Variants in NHSL2 observed in about 807,000 individuals in gnomAD.
The protein encoded by NHSL2 is NHS like 2, also known as NHS-like protein 2.
NHSL2 carries 27 observed loss-of-function variants against 53.4 expected under a neutral mutation model. That is an observed-to-expected ratio of 0.51 (90% CI 0.37 to 0.70). The LOEUF (loss-of-function observed/expected upper bound fraction) is 0.70. NHSL2 is among the 30% of genes least tolerant of loss of function. The probability of loss-of-function intolerance (pLI) is 0.00; values close to 1 mark genes in which losing one functional copy is unlikely to be tolerated. For missense variants in NHSL2, 892 were observed against 980.1 expected, an observed-to-expected ratio of 0.91 and a Z score of 1.20; for synonymous variants, 408 against 404.1, an observed-to-expected ratio of 1.01 and a Z score of -0.12.
chrX:72,058,519 A>G (rs757903891), intron 1 of NHSL2, among the ~76,000 whole-genome samples: 6 of 110,840 alleles, frequency 5.4e-5, no homozygotes, highest in East Asian at 5.7e-4. Context: ...TAATTTTTGT[A>G]TTTTTCATAG....
chrX:72,130,069 T>C, intron 1 of NHSL2: 1 of 1,211,156 alleles, frequency 8.3e-7, no homozygotes, highest in Non-Finnish European at 1.1e-6. Context: ...CAGGAAGTTT[T>C]CGGCGTGGTA....
intron 1 of NHSL2, among the ~76,000 whole-genome samples, chrX:72,110,900 G>A (rs1417603588): frequency 9.0e-6 from 1 of 110,800 alleles, no homozygotes; most frequent in Non-Finnish European, 1.9e-5. Flanking sequence ...AGTGCAGAAG[G>A]TGCTGTCAGG....
intron 1 of NHSL2, among the ~76,000 whole-genome samples, chrX:71,946,165 C>G (rs754251786): frequency 1.8e-5 from 2 of 111,398 alleles, no homozygotes; most frequent in Non-Finnish European, 3.8e-5. Context: ...CATGGGAGGA[C>G]AGAGAAGGGG....
intron 1 of NHSL2, among the ~76,000 whole-genome samples, chrX:72,070,002 G>A (rs1322245991): frequency 2.7e-5 from 3 of 112,454 alleles, no homozygotes; most frequent in East Asian, 5.6e-4. Flanking sequence ...CCTCTGGAGG[G>A]TGGCTGGAGT....
chrX:71,991,925 G>A (rs1368084887), intron 1 of NHSL2, among the ~76,000 whole-genome samples: 1 of 112,276 alleles, frequency 8.9e-6, no homozygotes, highest in Non-Finnish European at 1.9e-5. Flanking sequence ...GAAGATCAAG[G>A]AGGCATTCTC....
At chrX:72,090,199 G>C (rs2041884328) in intron 1 of NHSL2, among the ~76,000 whole-genome samples, 1 of 110,403 alleles carries the variant, frequency 9.1e-6, no homozygotes, top group African/African-American at 3.3e-5. Context: ...AAGTAGCTGG[G>C]ACCACAGGCA....
chrX:72,092,909 T>C (rs2041910643), intron 1 of NHSL2, among the ~76,000 whole-genome samples: 1 of 112,551 alleles, frequency 8.9e-6, no homozygotes, highest in Non-Finnish European at 1.9e-5. Context: ...AAATGAGGCT[T>C]ATAGTATCTC....
At chrX:72,022,735 C>T (rs1354820524) in intron 1 of NHSL2, among the ~76,000 whole-genome samples, 1 of 111,727 alleles carries the variant, frequency 9.0e-6, no homozygotes, top group Non-Finnish European at 1.9e-5. Flanking sequence ...GTGTCTAGGT[C>T]CTAGAGACCG....
At position 71,936,122 on chromosome X, in the gene NHSL2, T is replaced by C. The variant is rs2041737103; in HGVS notation, c.280+24755T>C. Among the ~76,000 whole-genome samples, 2 of 111,169 alleles carry C rather than the reference T, an allele frequency of 1.8e-5. 1 individual carries two copies. Among genetic ancestry groups the C allele is most frequent in the South Asian group, 7.7e-4 (2 of 2,602 alleles). On this transcript the variant is annotated intron_variant, in intron 1 of 7. Transcript: ENST00000633930. ...AAGATGGAGCTGCAGAGAGAGGGAG[T>C]GATTTGCCCGAGGCCACACAGCTAC...
intron 1 of NHSL2, among the ~76,000 whole-genome samples, chrX:72,058,491 C>A (rs761871615): frequency 1.4e-4 from 16 of 111,618 alleles, no homozygotes; most frequent in Non-Finnish European, 2.8e-4. Context: ...ATTACAGGCA[C>A]GCGCCACCAC....
intron 1 of NHSL2, among the ~76,000 whole-genome samples, chrX:71,936,471 G>A (rs973462655): frequency 2.0e-4 from 23 of 112,715 alleles, no homozygotes; most frequent in Non-Finnish European, 3.9e-4. Flanking sequence ...CCTGGAAAGA[G>A]CAAAGAGCCC....
intron 1 of NHSL2, among the ~76,000 whole-genome samples, chrX:72,036,965 G>A (rs1269125358): frequency 1.8e-5 from 2 of 111,243 alleles, no homozygotes; most frequent in Non-Finnish European, 1.9e-5. Context: ...TGACATCTTG[G>A]TGTTGATATA....
At chrX:71,926,213 T>C (rs1233801594) in intron 1 of NHSL2, among the ~76,000 whole-genome samples, 1 of 112,170 alleles carries the variant, frequency 8.9e-6, no homozygotes, top group Non-Finnish European at 1.9e-5. Context: ...TTATTACTTC[T>C]ATTTGAGAAA....
intron 1 of NHSL2, among the ~76,000 whole-genome samples, chrX:72,018,854 G>A (rs1458523371): frequency 8.9e-6 from 1 of 112,904 alleles, no homozygotes; most frequent in Non-Finnish European, 1.9e-5. Flanking sequence ...GAAAGATCGG[G>A]GCCCAGGGAT....
At chrX:71,983,673 C>G (rs1020038808) in intron 1 of NHSL2, among the ~76,000 whole-genome samples, 1 of 110,883 alleles carries the variant, frequency 9.0e-6, no homozygotes, top group Non-Finnish European at 1.9e-5. Context: ...CCCAGAGCCA[C>G]CACAGTGGAC....
At chrX:72,089,134 TTG>T (rs764272409) in intron 1 of NHSL2, among the ~76,000 whole-genome samples, 5 of 111,195 alleles carry the variant, frequency 4.5e-5, no homozygotes, top group Middle Eastern at 4.6e-3. Context: ...CACTTTCTAC[TTG>T]TGTCACCTTG....
At chrX:72,108,741 C>T (rs759468071) in intron 1 of NHSL2, among the ~76,000 whole-genome samples, 3 of 111,891 alleles carry the variant, frequency 2.7e-5, no homozygotes, top group Non-Finnish European at 3.8e-5. Flanking sequence ...CATGCGGGTC[C>T]GGCAGGGAAG....
chrX:71,910,909 C>T lies in NHSL2; in HGVS notation c.-179C>T. The T allele has an allele frequency of 3.7e-6, 1 of 268,486 alleles. No homozygotes were observed. The highest frequency in any genetic ancestry group is 6.3e-6 in the Non-Finnish European group (1 of 159,092). The allele number at this position is 268,486 out of a possible 1,213,427, so 22.1% of individuals were successfully genotyped here. A position where few individuals can be genotyped will look rare whatever the true frequency, so the allele number is the denominator to read the frequency against. ...GAGCCGGCGCTCTAGGCGAGGAACC[C>T]GTCAGCCCGCCTACCCGCCCGTCGT... On this transcript the variant is annotated 5_prime_UTR_variant, in exon 1 of 8. Transcript: ENST00000633930.
Position 72,145,701 on chromosome X carries a change from T to C in NHSL2, c.*2127T>C, listed in dbSNP as rs984907500. Reference sequence around the variant, plus strand: ...GACACCAGGGTCTCCTTGGGAACCATTATGACTGGTTGAACGTTAAAGCTG... The same window carrying C: ...GACACCAGGGTCTCCTTGGGAACCACTATGACTGGTTGAACGTTAAAGCTG... On this transcript the variant is annotated 3_prime_UTR_variant, in exon 8 of 8. Transcript: ENST00000633930. 8.0e-5 allele frequency: 9 copies of C among 112,526 alleles called. No homozygotes were observed. Among genetic ancestry groups the C allele is most frequent in the Admixed American group, 9.4e-5 (1 of 10,648 alleles). 9.3% of individuals were successfully genotyped at this position (112,526 alleles called of 1,213,427 possible).
Sources: gnomAD v4.1 joint callset for allele counts (sites outside exome capture counted in the v4.1 genomes callset) on GRCh38, gnomAD v4.1.1 for gene constraint, MANE v1.5 for transcripts, NCBI Gene and HGNC (gene_info 2026-07-23, HGNC 2026-07-21) for gene names.